The following SRGAP2 variants were observed in gnomAD, a reference collection of about 807,000 sequenced individuals.
SRGAP2 encodes the protein SLIT-ROBO Rho GTPase-activating protein 2.
Under a neutral mutation model 57.2 loss-of-function variants are expected in SRGAP2, and 15 were observed. The ratio of observed to expected loss-of-function variants is 0.26; its 90% CI spans 0.18 to 0.40. The LOEUF is 0.40. SRGAP2 is among the 10% of genes least tolerant of loss of function. The probability of loss-of-function intolerance (pLI) is 1.00; values close to 1 mark genes in which losing one functional copy is unlikely to be tolerated. For missense variants in SRGAP2, 520 were observed against 669.6 expected (o/e 0.78, Z 2.47); for synonymous variants, 249 against 248.0 (o/e 1.00, Z -0.04).
At chr1:206,299,842 T>A (rs1671785641) in intron 2 of SRGAP2, among the ~76,000 whole-genome samples, 1 of 151,922 alleles carries the variant, frequency 6.6e-6, no homozygotes, top group African/African-American at 2.4e-5. Context: ...CTTCTTTCTT[T>A]TTCTCCTCCT....
At chr1:206,291,855 A>C (rs1325957075) in intron 2 of SRGAP2, among the ~76,000 whole-genome samples, 1 of 148,988 alleles carries the variant, frequency 6.7e-6, no homozygotes, top group Admixed American at 6.6e-5. Context: ...ATAAATGGTT[A>C]TCTATTCTGA....
intron 4 of SRGAP2, among the ~76,000 whole-genome samples, chr1:206,374,258 C>T (rs868921018): frequency 7.0e-4 from 106 of 151,358 alleles, no homozygotes; most frequent in African/African-American, 2.4e-3. Flanking sequence ...CCTCGTGATC[C>T]GCCCGCTTCG....
intron 13 of SRGAP2, among the ~76,000 whole-genome samples, chr1:206,426,839 G>C (rs1268122414): frequency 1.3e-5 from 2 of 152,040 alleles, no homozygotes; most frequent in African/African-American, 4.8e-5. Flanking sequence ...TGAGTTGTTT[G>C]AGTTCCTTAT....
At chr1:206,355,594 CTGATAATTTTAGTATCAGT>C (rs1676369740) in intron 4 of SRGAP2, among the ~76,000 whole-genome samples, 1 of 152,158 alleles carries the variant, frequency 6.6e-6, no homozygotes, top group Admixed American at 6.5e-5. Context: ...AGTCATTCGT[CTGATAATTTTAGTATCAGT>C]TGATAATTTT....
chr1:206,222,684 TGGAG>T (rs1294428839), intron 2 of SRGAP2, among the ~76,000 whole-genome samples: 1 of 148,330 alleles, frequency 6.7e-6, no homozygotes, highest in Non-Finnish European at 1.5e-5. Context: ...AAAAAAAAGA[TGGAG>T]GTAGTTTTTT....
In SRGAP2 at chr1:206,411,790, G is replaced by A. The variant is rs117478036; in HGVS notation, c.1357-4099G>A. On this transcript the variant is annotated intron_variant, in intron 10 of 22. Transcript: ENST00000573034. The stretch of plus-strand genomic sequence containing the variant: ...AATGAAATTTGAAAAGCATTCTAGT[G>A]CCTCTTACTACTTTTTTAAGGCCCA... Among the ~76,000 whole-genome samples, 104 of 152,312 alleles carry A rather than the reference G, an allele frequency of 6.8e-4. 2 individuals carry two copies. In the East Asian group the frequency reaches 0.018, roughly 26 times the overall value.
chr1:206,352,895 A>G (rs1553338491), intron 4 of SRGAP2, among the ~76,000 whole-genome samples: 4 of 152,160 alleles, frequency 2.6e-5, no homozygotes, highest in Non-Finnish European at 5.9e-5. Context: ...AGCTCACTGT[A>G]GACTCAAACT....
chr1:206,375,790 C>T (rs1655143926), intron 4 of SRGAP2, among the ~76,000 whole-genome samples: 1 of 152,056 alleles, frequency 6.6e-6, no homozygotes, highest in African/African-American at 2.4e-5. Context: ...AGTGAGCATT[C>T]ACAGAGGGTA....
At chr1:206,435,114 C>T (rs1661614457) in intron 14 of SRGAP2, among the ~76,000 whole-genome samples, 1 of 152,150 alleles carries the variant, frequency 6.6e-6, no homozygotes, top group Non-Finnish European at 1.5e-5. Context: ...CTGGAGATTC[C>T]TTTATAGGAG....
rs1672008310 is a variant in SRGAP2, at chr1:206,303,770, C to T, written c.260+297C>T. On this transcript the variant is annotated intron_variant, in intron 3 of 22. Transcript: ENST00000573034. ...ATGTTAGTTTGCTTAATCCCAACAA[C>T]TCCATATGATGGTTATTGTTATTAT... is the stretch of plus-strand genomic sequence containing the variant. 4.6e-5 allele frequency among the ~76,000 whole-genome samples: 7 copies of T among 152,016 alleles called. No individual in the cohort carries two copies. In the South Asian group the frequency reaches 1.5e-3, roughly 32 times the overall value.
At chr1:206,414,033 CTTTTTTT>C (rs1202216512) in intron 10 of SRGAP2, among the ~76,000 whole-genome samples, 9 of 128,954 alleles carry the variant, frequency 7.0e-5, no homozygotes, top group African/African-American at 2.8e-4. Context: ...CTTTTTCTTT[CTTTTTTT>C]TTTTTTTTTG....
intron 21 of SRGAP2, 111 bp from the exon 22 acceptor site, chr1:206,458,512 C>A (rs1393813225): frequency 1.0e-5 from 7 of 699,228 alleles, no homozygotes; most frequent in African/African-American, 1.8e-5. Context: ...AGTTCTGTGT[C>A]CCTCTCCTTC....
At chr1:206,218,613 TA>T (rs559990702) in intron 2 of SRGAP2, among the ~76,000 whole-genome samples, 58 of 152,152 alleles carry the variant, frequency 3.8e-4, no homozygotes, top group African/African-American at 1.2e-3. Context: ...TTGATGGACC[TA>T]CAGGTGAACT....
intron 2 of SRGAP2, among the ~76,000 whole-genome samples, chr1:206,295,182 CACAAGT>C (rs1671520330): frequency 6.8e-6 from 1 of 147,802 alleles, no homozygotes; most frequent in Non-Finnish European, 1.5e-5. Context: ...TTCTGGGTCC[CACAAGT>C]ACATTAGTCA....
At chr1:206,254,192 T>TTTTTTTTTTC (rs1669041766) in intron 2 of SRGAP2, among the ~76,000 whole-genome samples, 1 of 94,472 alleles carries the variant, frequency 1.1e-5, no homozygotes, top group African/African-American at 5.9e-5. Flanking sequence ...TTTTTTTTTT[T>TTTTTTTTTTC]TTTTGGAGGG....
Position 206,461,585 on chromosome 1 carries a change from G to C in SRGAP2, c.*165G>C, listed in dbSNP as rs1664270161. 2 of 622,810 alleles carry C rather than the reference G, an allele frequency of 3.2e-6. No homozygotes were observed. The highest frequency in any genetic ancestry group is 1.8e-5 in the African/African-American group (1 of 54,798). 38.6% of individuals were successfully genotyped at this position (622,810 alleles called of 1,614,324 possible). ...CCAAAACCTTGAGAATGAAGCCCTT[G>C]GTATCGCCTCTCCCTTCCCACTGCC... On this transcript the variant is annotated 3_prime_UTR_variant, in exon 23 of 23. Transcript: ENST00000573034.
intron 14 of SRGAP2, among the ~76,000 whole-genome samples, chr1:206,432,263 T>C (rs1159582450): frequency 6.6e-6 from 1 of 152,170 alleles, no homozygotes; most frequent in Non-Finnish European, 1.5e-5. Context: ...CCACAGTGCG[T>C]GAGTGCTTCA....
chr1:206,443,629 G>A (rs1324462051), intron 17 of SRGAP2, among the ~76,000 whole-genome samples: 3 of 151,940 alleles, frequency 2.0e-5, no homozygotes, highest in East Asian at 1.9e-4. Context: ...CACCCACCTC[G>A]ACCTCACAAA....
chr1:206,372,014 G>A (rs1654600922), intron 4 of SRGAP2, among the ~76,000 whole-genome samples: 1 of 84,800 alleles, frequency 1.2e-5, no homozygotes. Flanking sequence ...TAAAGAGAGG[G>A]TCTATCTGTT....
Sources: allele counts gnomAD v4.1 joint callset (sites outside exome capture counted in the v4.1 genomes callset), GRCh38; gene constraint gnomAD v4.1.1; transcripts MANE v1.5; gene names NCBI Gene and HGNC (gene_info 2026-07-23, HGNC 2026-07-21).